The following PAK3 variants were observed in gnomAD, a reference collection of about 807,000 sequenced individuals.
PAK3 encodes serine/threonine-protein kinase PAK 3.
PAK3 carries 4 observed loss-of-function variants against 41.0 expected under a neutral mutation model. That is an observed-to-expected ratio of 0.10 (90% CI 0.05 to 0.22). The LOEUF (loss-of-function observed/expected upper bound fraction) is 0.22, where lower values mean the gene tolerates loss of function less well. Ranked by LOEUF, PAK3 falls within the 10% of genes least tolerant of loss-of-function variation. The pLI is 1.00. For synonymous variants in PAK3, 146 were observed against 139.6 expected (o/e 1.05, Z -0.32); for missense variants, 205 against 409.9 (o/e 0.50, Z 4.32).
intron 4 of PAK3, among the ~76,000 whole-genome samples, chrX:111,115,370 C>T (rs1327738384): frequency 9.0e-6 from 1 of 111,431 alleles, no homozygotes; most frequent in Non-Finnish European, 1.9e-5. Context: ...ATACCCATGC[C>T]AGTTTTCTTT....
intron 1 of PAK3, among the ~76,000 whole-genome samples, chrX:111,086,090 T>G (rs2092879920): frequency 1.0e-5 from 1 of 95,724 alleles, no homozygotes; most frequent in African/African-American, 4.2e-5. Context: ...TGTGTGTGTG[T>G]GCATGTGCAC....
intron 1 of PAK3, among the ~76,000 whole-genome samples, chrX:111,027,916 C>T (rs1028090322): frequency 7.5e-5 from 8 of 106,886 alleles, no homozygotes; most frequent in South Asian, 4.1e-4. Flanking sequence ...TGGAAGCAGC[C>T]GAAATGCCCA....
intron 11 of PAK3, among the ~76,000 whole-genome samples, chrX:111,183,734 G>A (rs2094482190): frequency 8.9e-6 from 1 of 111,762 alleles, no homozygotes; most frequent in South Asian, 3.8e-4. Context: ...AAACTGACCT[G>A]CTTTATGAGG....
intron 7 of PAK3, among the ~76,000 whole-genome samples, chrX:111,148,625 C>A (rs1367687060): frequency 1.8e-5 from 2 of 111,055 alleles, no homozygotes; most frequent in African/African-American, 6.6e-5. Context: ...ATGACAGCAG[C>A]AAGATAATAT....
At chrX:111,006,861 T>C (rs201163833) in intron 1 of PAK3, among the ~76,000 whole-genome samples, 1 of 43,052 alleles carries the variant, frequency 2.3e-5, no homozygotes, top group Non-Finnish European at 6.0e-5. Context: ...TTTTTTTTTT[T>C]TTTGATAAGT....
chrX:111,172,294 G>A (rs1225043579), intron 10 of PAK3, among the ~76,000 whole-genome samples: 1 of 111,583 alleles, frequency 9.0e-6, no homozygotes, highest in East Asian at 2.8e-4. Context: ...ACTCATTCTG[G>A]TTTTATTGTA....
At chrX:111,200,236 A>G (rs763282936) in intron 16 of PAK3, among the ~76,000 whole-genome samples, 1 of 111,799 alleles carries the variant, frequency 8.9e-6, no homozygotes, top group African/African-American at 3.2e-5. Context: ...CTATGCATGT[A>G]AAGAGACCTA....
intron 5 of PAK3, among the ~76,000 whole-genome samples, chrX:111,135,605 T>C (rs1226500290): frequency 1.8e-5 from 2 of 111,290 alleles, no homozygotes; most frequent in Non-Finnish European, 3.8e-5. Context: ...AAATAGACTC[T>C]AAGAAAGAGT....
Position 110,954,738 on chromosome X carries a change from AT to A in PAK3, c.-28+10112del, listed in dbSNP as rs57080953. 9.3e-3 allele frequency among the ~76,000 whole-genome samples: 1,039 copies of A among 112,088 alleles called. 16 individuals carry two copies. Among genetic ancestry groups the A allele is most frequent in the African/African-American group, 0.032 (988 of 30,851 alleles). The stretch of plus-strand genomic sequence containing the variant: ...CAGAGATTAGTCTTGATTCTTGTGA[AT>A]TGTTAACTGAGTAAATCTCTAAATA... On this transcript the variant is annotated intron_variant, in intron 1 of 14. Coordinates refer to the PAK3 transcript ENST00000425146.
chrX:111,019,461 A>G (rs1226369688), intron 1 of PAK3, among the ~76,000 whole-genome samples: 3 of 106,905 alleles, frequency 2.8e-5, no homozygotes, highest in African/African-American at 1.0e-4. Flanking sequence ...TGTGAGGCCA[A>G]AGCAGGAAGA....
chrX:111,015,078 T>G (rs2092068329), intron 1 of PAK3, among the ~76,000 whole-genome samples: 1 of 110,873 alleles, frequency 9.0e-6, no homozygotes, highest in African/African-American at 3.3e-5. Context: ...AACTTACTAG[T>G]TATACTAGCA....
At chrX:110,945,018 C>G (rs1011342340) in intron 1 of PAK3, among the ~76,000 whole-genome samples, 15 of 112,284 alleles carry the variant, frequency 1.3e-4, no homozygotes, top group African/African-American at 4.9e-4. Flanking sequence ...TTGTTACATA[C>G]AACAAAACCA....
chrX:111,130,913 GA>G (rs1373138999), intron 5 of PAK3, among the ~76,000 whole-genome samples: 2 of 111,880 alleles, frequency 1.8e-5, no homozygotes, highest in East Asian at 5.6e-4. Context: ...GAGGAAGGCA[GA>G]AGTTCAGAGA....
chrX:111,055,169 C>T (rs1216017484), intron 1 of PAK3, among the ~76,000 whole-genome samples: 1 of 112,086 alleles, frequency 8.9e-6, no homozygotes, highest in Non-Finnish European at 1.9e-5. Flanking sequence ...GAATAGGCAG[C>T]ACCTCAGCTG....
intron 1 of PAK3, among the ~76,000 whole-genome samples, chrX:111,089,386 T>G (rs1043451618): frequency 8.9e-6 from 1 of 112,187 alleles, no homozygotes; most frequent in African/African-American, 3.2e-5. Context: ...GGCTTTTCCA[T>G]GAATAACCCA....
chrX:111,161,676 T>C (rs944634991), intron 8 of PAK3, among the ~76,000 whole-genome samples: 18 of 111,619 alleles, frequency 1.6e-4, no homozygotes, highest in Non-Finnish European at 3.0e-4. Context: ...GTTTCAGCTT[T>C]CTACATATGG....
chrX:111,023,197 C>T (rs1295924127), intron 1 of PAK3, among the ~76,000 whole-genome samples: 3 of 111,356 alleles, frequency 2.7e-5, no homozygotes, highest in African/African-American at 9.8e-5. Flanking sequence ...CAGTTTCATC[C>T]ATGTCCCTGC....
At chrX:111,112,228 A>AT (rs1210765006) in intron 4 of PAK3, among the ~76,000 whole-genome samples, 7 of 109,745 alleles carry the variant, frequency 6.4e-5, no homozygotes, top group Non-Finnish European at 1.3e-4. Flanking sequence ...TATGGATCTT[A>AT]TTTTTTTCCA....
At chrX:111,086,573 C>T (rs1049936733) in intron 1 of PAK3, among the ~76,000 whole-genome samples, 1 of 111,487 alleles carries the variant, frequency 9.0e-6, no homozygotes, top group Non-Finnish European at 1.9e-5. Flanking sequence ...ACCCTTCCCA[C>T]CCCCTGCCAT....
Sources: allele counts gnomAD v4.1 joint callset (sites outside exome capture counted in the v4.1 genomes callset), GRCh38; gene constraint gnomAD v4.1.1; transcripts MANE v1.5; gene names NCBI Gene and HGNC (gene_info 2026-07-23, HGNC 2026-07-21).